LRRC3B: variants seen among roughly 807,000 people sequenced by gnomAD.
LRRC3B encodes the protein leucine-rich repeat-containing protein 3B.
Under a neutral mutation model 12.8 loss-of-function variants are expected in LRRC3B, and 2 were observed. The ratio of observed to expected loss-of-function variants is 0.16; its 90% CI spans 0.06 to 0.49. The LOEUF (loss-of-function observed/expected upper bound fraction) is 0.49, where lower values mean the gene tolerates loss of function less well. Among genes scored for constraint, LRRC3B ranks in the 20% least tolerant of loss-of-function variants. The probability of loss-of-function intolerance (pLI) is 0.96; values close to 1 mark genes in which losing one functional copy is unlikely to be tolerated. For synonymous variants in LRRC3B, 132 were observed against 122.0 expected, an observed-to-expected ratio of 1.08 and a Z score of -0.54; for missense variants, 189 against 319.4, an observed-to-expected ratio of 0.59 and a Z score of 3.11.
chr3:26,630,504 T>C (rs1698734148), intron 1 of LRRC3B, among the ~76,000 whole-genome samples: 1 of 152,204 alleles, frequency 6.6e-6, no homozygotes, highest in Non-Finnish European at 1.5e-5. Context: ...CAAGATCTTG[T>C]AGTGGGACTA....
chr3:26,646,321 A>G (rs1699142399), intron 1 of LRRC3B, among the ~76,000 whole-genome samples: 1 of 152,198 alleles, frequency 6.6e-6, no homozygotes, highest in African/African-American at 2.4e-5. Flanking sequence ...TTTCTAAAGC[A>G]ATTTGAATTC....
At chr3:26,699,976 A>C (rs901785526) in intron 1 of LRRC3B, among the ~76,000 whole-genome samples, 1 of 152,136 alleles carries the variant, frequency 6.6e-6, no homozygotes, top group Non-Finnish European at 1.5e-5. Flanking sequence ...TTGTTTTTCC[A>C]GTGGATTCAT....
chr3:26,678,623 A>C (rs1405036080), intron 1 of LRRC3B, among the ~76,000 whole-genome samples: 1 of 152,186 alleles, frequency 6.6e-6, no homozygotes, highest in African/African-American at 2.4e-5. Flanking sequence ...TCAAAACCAC[A>C]TGAGAAGCAT....
chr3:26,703,744 T>C (rs1700514795), intron 1 of LRRC3B, among the ~76,000 whole-genome samples: 1 of 151,662 alleles, frequency 6.6e-6, no homozygotes, highest in African/African-American at 2.4e-5. Context: ...TTTTTGTATA[T>C]GGTGTGGCCA....
chr3:26,710,212 T>C (rs1375420123), exon 2 of LRRC3B: 1 of 1,613,810 alleles, frequency 6.2e-7, no homozygotes, highest in Admixed American at 1.7e-5. Flanking sequence ...TGGATGAACA[T>C]GCTGGCAGAC....
At chr3:26,690,423 GT>G (rs1700166872) in intron 1 of LRRC3B, among the ~76,000 whole-genome samples, 1 of 152,130 alleles carries the variant, frequency 6.6e-6, no homozygotes, top group South Asian at 2.1e-4. Flanking sequence ...TGCCAATCTG[GT>G]TTTATTTAAA....
intron 1 of LRRC3B, among the ~76,000 whole-genome samples, chr3:26,639,722 G>C (rs1450326631): frequency 6.6e-6 from 1 of 152,082 alleles, no homozygotes; most frequent in East Asian, 1.9e-4. Flanking sequence ...AAACTCACTG[G>C]AAATGTTAGA....
chr3:26,630,806 C>G (rs1698740925), intron 1 of LRRC3B, among the ~76,000 whole-genome samples: 1 of 152,156 alleles, frequency 6.6e-6, no homozygotes, highest in Non-Finnish European at 1.5e-5. Context: ...ACCCCAAGAA[C>G]TGCAGACAAT....
chr3:26,655,012 G>A (rs962800839), intron 1 of LRRC3B, among the ~76,000 whole-genome samples: 1 of 151,930 alleles, frequency 6.6e-6, no homozygotes, highest in African/African-American at 2.4e-5. Context: ...TATTTATAAA[G>A]GATATCTACG....
At chr3:26,640,225 C>A (rs4429590) in intron 1 of LRRC3B, among the ~76,000 whole-genome samples, 32,484 of 151,932 alleles carry the variant, frequency 0.21, 3,548 homozygotes, top group Non-Finnish European at 0.22. Context: ...CCACTATATT[C>A]TTTTTACGAG....
At chr3:26,631,523 C>G (rs1698756907) in intron 1 of LRRC3B, among the ~76,000 whole-genome samples, 1 of 152,178 alleles carries the variant, frequency 6.6e-6, no homozygotes, top group Non-Finnish European at 1.5e-5. Flanking sequence ...AAAGAGGGAA[C>G]TGTGGTCATG....
chr3:26,706,216 C>T (rs2125463614), intron 1 of LRRC3B, among the ~76,000 whole-genome samples: 1 of 152,190 alleles, frequency 6.6e-6, no homozygotes, highest in Admixed American at 6.5e-5. Context: ...CTTTCATGAC[C>T]TAATCACTTC....
chr3:26,685,615 G>GTGTATATA lies in LRRC3B; in HGVS notation c.-160-23897_-160-23896insGTATATAT, dbSNP rs1395832034. Among the ~76,000 whole-genome samples, 7 of 120,482 alleles carry GTGTATATA rather than the reference G, an allele frequency of 5.8e-5. No homozygotes were observed. In the South Asian group the frequency reaches 1.1e-3, roughly 19 times the overall value. 79.0% of individuals were successfully genotyped at this position (120,482 alleles called of 152,430 possible). ...CACTCATATATATATATGTGTGTGT[G>GTGTATATA]TATATATATATATATATATCTATAT... On this transcript the variant is annotated intron_variant, in intron 1 of 1. Coordinates refer to ENST00000396641, the Ensembl canonical transcript of LRRC3B.
chr3:26,678,340 A>C (rs1317533331), intron 1 of LRRC3B, among the ~76,000 whole-genome samples: 1 of 151,980 alleles, frequency 6.6e-6, no homozygotes, highest in Non-Finnish European at 1.5e-5. Flanking sequence ...CTAAACATAC[A>C]AAAATTAGCT....
chr3:26,700,630 C>A (rs958588191), intron 1 of LRRC3B, among the ~76,000 whole-genome samples: 2 of 152,236 alleles, frequency 1.3e-5, no homozygotes, highest in African/African-American at 4.8e-5. Context: ...AATTTTAGAG[C>A]TTTTGACTTG....
intron 1 of LRRC3B, among the ~76,000 whole-genome samples, chr3:26,692,201 A>G (rs1700206276): frequency 6.6e-6 from 1 of 152,336 alleles, no homozygotes; most frequent in South Asian, 2.1e-4. Context: ...AATAGAAGAA[A>G]TAAGTACTGC....
chr3:26,662,347 A>G (rs79053909), intron 1 of LRRC3B, among the ~76,000 whole-genome samples: 4,865 of 152,264 alleles, frequency 0.032, 123 homozygotes, highest in South Asian at 0.048. Flanking sequence ...TCTGATATGC[A>G]TGAGTATGAA....
chr3:26,674,844 C>G (rs1252350970), intron 1 of LRRC3B, among the ~76,000 whole-genome samples: 1 of 141,240 alleles, frequency 7.1e-6, no homozygotes, highest in African/African-American at 3.2e-5. Context: ...GTGAGGTTGC[C>G]CGGCCTAATA....
At chr3:26,690,060 AG>A (rs1700159761) in intron 1 of LRRC3B, among the ~76,000 whole-genome samples, 1 of 152,216 alleles carries the variant, frequency 6.6e-6, no homozygotes, top group African/African-American at 2.4e-5. Context: ...ACAAAGCAAA[AG>A]CCATAGGCAT....
Sources: allele counts gnomAD v4.1 joint callset (sites outside exome capture counted in the v4.1 genomes callset), GRCh38; gene constraint gnomAD v4.1.1; transcripts MANE v1.5; gene names NCBI Gene and HGNC (gene_info 2026-07-23, HGNC 2026-07-21).